The following CCDC91 variants were observed in gnomAD, a reference collection of about 807,000 sequenced individuals.
The protein encoded by CCDC91 is coiled-coil domain containing 91.
A neutral mutation model predicts 63.2 loss-of-function variants in CCDC91; 48 were observed. The ratio of observed to expected loss-of-function variants is 0.76; its 90% CI spans 0.60 to 0.97. The LOEUF is 0.97. Among genes scored for constraint, CCDC91 ranks in the 50% least tolerant of loss-of-function variants. The pLI is 0.00. For synonymous variants in CCDC91, 167 were observed against 165.8 expected, an observed-to-expected ratio of 1.01 and a Z score of -0.06; for missense variants, 500 against 494.6, an observed-to-expected ratio of 1.01 and a Z score of -0.10.
chr12:28,254,429 A>G (rs1474109238), intron 1 of CCDC91, among the ~76,000 whole-genome samples: 2 of 152,224 alleles, frequency 1.3e-5, no homozygotes, highest in Non-Finnish European at 2.9e-5. Flanking sequence ...AGAATATTCT[A>G]AAATACTTGA....
chr12:28,215,093 T>C (rs2135567162), intron 1 of CCDC91, among the ~76,000 whole-genome samples: 2 of 152,334 alleles, frequency 1.3e-5, no homozygotes, highest in Middle Eastern at 3.4e-3. Flanking sequence ...AACAGTTGTA[T>C]AATAAGAAAC....
chr12:28,502,684 A>G (rs1351951734), intron 12 of CCDC91, among the ~76,000 whole-genome samples: 12 of 151,640 alleles, frequency 7.9e-5, no homozygotes, highest in Non-Finnish European at 1.8e-4. Flanking sequence ...TTCAAACTAT[A>G]CTACAAGGCT....
At chr12:28,409,182 A>G (rs543521815) in intron 8 of CCDC91, among the ~76,000 whole-genome samples, 1 of 152,256 alleles carries the variant, frequency 6.6e-6, no homozygotes, top group East Asian at 1.9e-4. Context: ...CATAAGAAGA[A>G]AGCATTAATT....
At chr12:28,199,501 T>C (rs1942044702) in intron 1 of CCDC91, among the ~76,000 whole-genome samples, 1 of 152,216 alleles carries the variant, frequency 6.6e-6, no homozygotes, top group Non-Finnish European at 1.5e-5. Context: ...CATTTATATT[T>C]TCTTTTATAT....
At chr12:28,507,984 G>A (rs753229553) in intron 12 of CCDC91, among the ~76,000 whole-genome samples, 3 of 151,866 alleles carry the variant, frequency 2.0e-5, no homozygotes, top group Non-Finnish European at 4.4e-5. Flanking sequence ...TACACTGACC[G>A]TTGATTGGTT....
chr12:28,424,735 C>T (rs993096581), intron 8 of CCDC91, among the ~76,000 whole-genome samples: 19 of 152,204 alleles, frequency 1.2e-4, no homozygotes, highest in African/African-American at 3.6e-4. Flanking sequence ...TTGTCTTTAG[C>T]TAAACAATAT....
chr12:28,288,516 T>A (rs1303746877), intron 3 of CCDC91, among the ~76,000 whole-genome samples: 1 of 152,194 alleles, frequency 6.6e-6, no homozygotes, highest in Non-Finnish European at 1.5e-5. Context: ...AATTTAAGAA[T>A]GTTGAACCAA....
intron 1 of CCDC91, among the ~76,000 whole-genome samples, chr12:28,210,635 A>G (rs1437782941): frequency 3.9e-5 from 6 of 152,174 alleles, no homozygotes; most frequent in African/African-American, 7.2e-5. Flanking sequence ...GCTGACTTTT[A>G]AGCATAGGAC....
At chr12:28,467,007 G>A (rs1950579024) in intron 11 of CCDC91, among the ~76,000 whole-genome samples, 1 of 152,032 alleles carries the variant, frequency 6.6e-6, no homozygotes, top group Non-Finnish European at 1.5e-5. Flanking sequence ...GCTTATTTGT[G>A]CAAACAATTT....
intron 3 of CCDC91, among the ~76,000 whole-genome samples, chr12:28,283,430 G>C (rs1179204527): frequency 1.3e-5 from 2 of 150,296 alleles, no homozygotes; most frequent in African/African-American, 4.9e-5. Flanking sequence ...CATTTCCTTG[G>C]TTAAGTATAT....
intron 8 of CCDC91, among the ~76,000 whole-genome samples, chr12:28,407,379 A>AT (rs1947019021): frequency 6.6e-6 from 1 of 152,162 alleles, no homozygotes; most frequent in Non-Finnish European, 1.5e-5. Context: ...TCTTTCATGT[A>AT]TCTATTTGTC....
chr12:28,192,732 T>C (rs1941367194), intron 1 of CCDC91, among the ~76,000 whole-genome samples: 1 of 152,224 alleles, frequency 6.6e-6, no homozygotes, highest in Non-Finnish European at 1.5e-5. Context: ...ATGCATATTT[T>C]TAAAAAGGGC....
chr12:28,456,148 A>G (rs1232928943), intron 11 of CCDC91, among the ~76,000 whole-genome samples: 2 of 152,050 alleles, frequency 1.3e-5, no homozygotes, highest in Non-Finnish European at 2.9e-5. Context: ...ATTTTTATGT[A>G]TTGTCCATTC....
chr12:28,465,707 A>G (rs528126258), intron 11 of CCDC91, among the ~76,000 whole-genome samples: 28 of 152,328 alleles, frequency 1.8e-4, no homozygotes, highest in South Asian at 1.2e-3. Flanking sequence ...GATGGATACA[A>G]AAAAGCCCAG....
intron 12 of CCDC91, among the ~76,000 whole-genome samples, chr12:28,486,360 A>G (rs1209236575): frequency 6.6e-6 from 1 of 152,124 alleles, no homozygotes; most frequent in Non-Finnish European, 1.5e-5. Context: ...TATATACCAC[A>G]TTTTTTATCC....
At chr12:28,378,469 G>A (rs1350078449) in intron 7 of CCDC91, among the ~76,000 whole-genome samples, 1 of 151,932 alleles carries the variant, frequency 6.6e-6, no homozygotes, top group Non-Finnish European at 1.5e-5. Flanking sequence ...TACTTGTATT[G>A]TATAAAGTTC....
chr12:28,531,885 ACAAT>A (rs1369604810), intron 12 of CCDC91, among the ~76,000 whole-genome samples: 5 of 152,102 alleles, frequency 3.3e-5, no homozygotes, highest in South Asian at 4.1e-4. Flanking sequence ...TATGGAACTG[ACAAT>A]CAAGTATGAT....
At chr12:28,501,538 T>A (rs151211307) in intron 12 of CCDC91, among the ~76,000 whole-genome samples, 3,333 of 152,022 alleles carry the variant, frequency 0.022, 69 homozygotes, top group African/African-American at 0.049. Context: ...GAACCAGCCT[T>A]GCATCCCAGG....
chr12:28,415,499 C>T (rs371297345), intron 8 of CCDC91, among the ~76,000 whole-genome samples: 3 of 152,162 alleles, frequency 2.0e-5, no homozygotes, highest in African/African-American at 4.8e-5. Flanking sequence ...GGATTACAGG[C>T]GTGAGCCACT....
Sources: allele counts gnomAD v4.1 joint callset (sites outside exome capture counted in the v4.1 genomes callset), GRCh38; gene constraint gnomAD v4.1.1; transcripts MANE v1.5; gene names NCBI Gene and HGNC (gene_info 2026-07-23, HGNC 2026-07-21).